DIPK2B: variants seen among roughly 807,000 people sequenced by gnomAD.
DIPK2B encodes the protein divergent protein kinase domain 2B.
Under a neutral mutation model 22.2 loss-of-function variants are expected in DIPK2B, and 15 were observed. The ratio of observed to expected loss-of-function variants is 0.68; its 90% CI spans 0.45 to 1.04. DIPK2B has a LOEUF of 1.04. DIPK2B is among the 50% of genes least tolerant of loss of function. DIPK2B has a pLI of 0.00. For synonymous variants in DIPK2B, 163 were observed against 153.2 expected (o/e 1.06, Z -0.47); for missense variants, 345 against 348.3 (o/e 0.99, Z 0.08).
At chrX:45,159,314 T>C (rs1185841232) in intron 2 of DIPK2B, among the ~76,000 whole-genome samples, 2 of 111,786 alleles carry the variant, frequency 1.8e-5, no homozygotes, top group Non-Finnish European at 3.8e-5. Context: ...CCTTCATAGG[T>C]AGTGTATTCT....
chrX:45,184,998 A>G (rs1454697332), intron 2 of DIPK2B, among the ~76,000 whole-genome samples: 8 of 111,544 alleles, frequency 7.2e-5, no homozygotes, highest in Non-Finnish European at 1.5e-4. Flanking sequence ...GATCTTTAAT[A>G]TTTCTACTTT....
intron 3 of DIPK2B, among the ~76,000 whole-genome samples, chrX:45,155,422 C>CAA (rs796781059): frequency 0.013 from 1,192 of 89,048 alleles, 23 homozygotes; most frequent in East Asian, 0.12. Flanking sequence ...GACTCTGTCT[C>CAA]AAAAAAAAAA....
chrX:45,162,525 A>T (rs1409814138), intron 2 of DIPK2B: 98 of 754,386 alleles, frequency 1.3e-4, no homozygotes, highest in Non-Finnish European at 1.5e-4. Flanking sequence ...TGTGCTGGCC[A>T]TGTGCAAACC....
chrX:45,157,970 G>C (rs2047004161), intron 2 of DIPK2B, 82 bp from the exon 3 acceptor site: 1 of 413,909 alleles, frequency 2.4e-6, no homozygotes, highest in Admixed American at 9.8e-5. Flanking sequence ...AGGGGGAATG[G>C]GCAGATCCTG....
intron 2 of DIPK2B, among the ~76,000 whole-genome samples, chrX:45,165,173 G>A (rs771034390): frequency 2.7e-5 from 3 of 111,253 alleles, no homozygotes; most frequent in Non-Finnish European, 5.7e-5. Flanking sequence ...GCCAAGCCTA[G>A]GGAACAGAAG....
At chrX:45,163,575 A>G in intron 2 of DIPK2B, 2 of 754,536 alleles carry the variant, frequency 2.7e-6, no homozygotes, top group Non-Finnish European at 1.6e-6. Flanking sequence ...ATCACCAGCA[A>G]TCAGCAGTGT....
chrX:45,151,919 C>G lies in DIPK2B; in HGVS notation c.1035G>C (p.Gln345His), dbSNP rs951403781. Residue 345 changes from glutamine to histidine, a missense_variant, in exon 5 of 5, where the codon CAG (glutamine) becomes CAC (histidine). By Grantham distance (24) the Gln-to-His change is conservative. Transcript: ENST00000398000. ...CAGAGATGCTTTCGCAGGAGGGCAG[C>G]TGGGCCTGGCAGCCGGAAACCAGGC... ...FSCLVSGCQA[Q>H]LPSCESISEK... is the part of the protein sequence containing the mutation. The G allele has an allele frequency of 6.6e-6, 8 of 1,204,616 alleles. No individual in the cohort carries two copies. The highest frequency in any genetic ancestry group is 9.0e-6 in the Non-Finnish European group (8 of 892,015).
chrX:45,189,691 A>G (rs2047201355), intron 2 of DIPK2B, among the ~76,000 whole-genome samples: 1 of 111,089 alleles, frequency 9.0e-6, no homozygotes, highest in Admixed American at 9.6e-5. Flanking sequence ...AGTGTGGCAG[A>G]ACACCCTGGG....
chrX:45,173,615 G>A (rs1203005109), intron 2 of DIPK2B, among the ~76,000 whole-genome samples: 1 of 100,379 alleles, frequency 1.0e-5, no homozygotes, highest in African/African-American at 3.7e-5. Flanking sequence ...TGGTGGAGGG[G>A]AGACAGGGTC....
intron 2 of DIPK2B, among the ~76,000 whole-genome samples, chrX:45,188,315 G>T (rs912633119): frequency 8.9e-6 from 1 of 111,821 alleles, no homozygotes; most frequent in African/African-American, 3.3e-5. Context: ...GAATTCTGGG[G>T]CCACATCTGG....
chrX:45,176,919 A>G (rs1311163413), intron 2 of DIPK2B, among the ~76,000 whole-genome samples: 1 of 111,543 alleles, frequency 9.0e-6, no homozygotes, highest in Non-Finnish European at 1.9e-5. Flanking sequence ...TCTTGCCCAA[A>G]TTGGGTAGAC....
chrX:45,178,946 C>T (rs1333822566), intron 2 of DIPK2B, among the ~76,000 whole-genome samples: 1 of 111,560 alleles, frequency 9.0e-6, no homozygotes, highest in Non-Finnish European at 1.9e-5. Context: ...AGGATCATGC[C>T]TTATCAGCAG....
At chrX:45,162,657 A>G (rs1328060043) in intron 2 of DIPK2B, 2 of 752,946 alleles carry the variant, frequency 2.7e-6, no homozygotes, top group African/African-American at 4.6e-5. Context: ...GAGTTTCTAA[A>G]TCACTTCTCC....
At position 45,151,498 on chromosome X, in the gene DIPK2B, G is replaced by A; in HGVS notation, c.*154C>T. ...TCCCAGCCAGCAGAGACAGCCACGT[G>A]GTATCTCACAACTCCCCTCTCAGTC... On this transcript the variant is annotated 3_prime_UTR_variant, in exon 5 of 5. Coordinates refer to ENST00000398000, the MANE Select transcript of DIPK2B (RefSeq NM_176819.4). 1.8e-6 allele frequency: 1 copy of A among 562,024 alleles called. No homozygotes were observed. The highest frequency in any genetic ancestry group is 2.8e-6 in the Non-Finnish European group (1 of 359,919). 46.3% of individuals were successfully genotyped at this position (562,024 alleles called of 1,213,427 possible).
rs746846318 is a variant in DIPK2B, at chrX:45,191,906, T to G, written c.343A>C (p.Arg115=). 1 of 1,211,886 alleles carries G rather than the reference T, an allele frequency of 8.3e-7. No individual in the cohort carries two copies. ...TCGTTTTGATATTTGCTGACCAGTC[T>G]AAAGATCTCCACAGGGCGCCAGATT... ...SKIWRPVEIF[R]LVSKYQNEIS... is the part of the protein sequence containing the mutation. Residue 115 remains arginine (R), a synonymous_variant, in exon 2 of 5, where the codon AGA becomes CGA. Transcript: ENST00000398000.
At chrX:45,178,639 CT>C (rs775337675) in intron 2 of DIPK2B, among the ~76,000 whole-genome samples, 4 of 111,562 alleles carry the variant, frequency 3.6e-5, no homozygotes, top group Admixed American at 2.9e-4. Context: ...GCATTTGGGG[CT>C]GCCAAAATGG....
chrX:45,162,528 T>G (rs1243383763), intron 2 of DIPK2B: 1 of 752,511 alleles, frequency 1.3e-6, no homozygotes, highest in Non-Finnish European at 1.6e-6. Context: ...GCTGGCCATG[T>G]GCAAACCCAC....
At chrX:45,187,411 G>A (rs1243641999) in intron 2 of DIPK2B, among the ~76,000 whole-genome samples, 3 of 111,316 alleles carry the variant, frequency 2.7e-5, no homozygotes, top group Non-Finnish European at 5.7e-5. Flanking sequence ...GCTTTTAGAG[G>A]AGAAAAGTCA....
In DIPK2B at chrX:45,167,495, C is replaced by CAAA. The variant is rs1156692662; in HGVS notation, c.499-9610_499-9608dup. Reference sequence around the variant, plus strand: ...CCTGGGCAACAAAACAAGACTGTCTCAAAAAAAAAAAAAAAAAAAAAAAAG... The same window carrying CAAA: ...CCTGGGCAACAAAACAAGACTGTCTCAAAAAAAAAAAAAAAAAAAAAAAAAAAG... On this transcript the variant is annotated intron_variant, in intron 2 of 4. Transcript: ENST00000398000. Among the ~76,000 whole-genome samples the CAAA allele has an allele frequency of 6.8e-3, 166 of 24,520 alleles. 3 individuals are homozygous for CAAA. Among genetic ancestry groups the CAAA allele is most frequent in the African/African-American group, 0.021 (129 of 6,243 alleles). The allele number at this position is 24,520 out of a possible 115,157, so 21.3% of individuals were successfully genotyped here.
Sources: gnomAD v4.1 joint callset for allele counts (sites outside exome capture counted in the v4.1 genomes callset) on GRCh38, gnomAD v4.1.1 for gene constraint, MANE v1.5 for transcripts, NCBI Gene and HGNC (gene_info 2026-07-23, HGNC 2026-07-21) for gene names.